SLC12A8: variants seen among roughly 807,000 people sequenced by gnomAD.
SLC12A8 encodes solute carrier family 12 member 8, also known as cation-chloride cotransporter 9.
SLC12A8 carries 69 observed loss-of-function variants against 75.6 expected under a neutral mutation model. The observed-to-expected ratio is 0.91, with a 90% CI of 0.75 to 1.11. The LOEUF (loss-of-function observed/expected upper bound fraction) is 1.11, where lower values mean the gene tolerates loss of function less well. SLC12A8 is among the 50% of genes most tolerant of loss of function. SLC12A8 has a pLI of 0.00. For synonymous variants in SLC12A8, 365 were observed against 372.8 expected, an observed-to-expected ratio of 0.98 and a Z score of 0.24; for missense variants, 877 against 896.7, an observed-to-expected ratio of 0.98 and a Z score of 0.28.
At position 125,084,066 on chromosome 3, in the gene SLC12A8, GAC is replaced by G; in HGVS notation, c.1983-16_1983-15del. ...GACCGCAAGCTCCTGCAGTGAGAGA[GAC>G]ACAGAGGATGGTGAGAAGGACAGAA... On this transcript the variant is annotated splice_polypyrimidine_tract_variant and intron_variant, in intron 13 of 13. Coordinates refer to ENST00000469902, the MANE Select transcript of SLC12A8 (RefSeq NM_024628.6). The G allele has an allele frequency of 6.2e-7, 1 of 1,607,346 alleles. No homozygotes were observed. The highest frequency in any genetic ancestry group is 8.5e-7 in the Non-Finnish European group (1 of 1,176,466).
chr3:125,158,251 C>CG (rs1378465988), intron 5 of SLC12A8, among the ~76,000 whole-genome samples: 1 of 151,424 alleles, frequency 6.6e-6, no homozygotes, highest in Non-Finnish European at 1.5e-5. Flanking sequence ...GACAGAGTCT[C>CG]GCTCTGTCAC....
At chr3:125,159,243 C>T (rs1056334756) in intron 5 of SLC12A8, among the ~76,000 whole-genome samples, 5 of 152,156 alleles carry the variant, frequency 3.3e-5, no homozygotes, top group Non-Finnish European at 7.3e-5. Context: ...TCCCTCCCCA[C>T]ATCCTGCTAA....
intron 5 of SLC12A8, among the ~76,000 whole-genome samples, chr3:125,145,371 A>G (rs1216744345): frequency 6.6e-6 from 1 of 152,238 alleles, no homozygotes. Context: ...ATAAAACATT[A>G]ATAATAACAA....
intron 13 of SLC12A8, chr3:125,088,016 T>C (rs1244302927): frequency 2.5e-6 from 1 of 397,106 alleles, no homozygotes; most frequent in Non-Finnish European, 4.6e-6. Context: ...TCACTGAGAG[T>C]AGTGACTTAT....
intron 5 of SLC12A8, among the ~76,000 whole-genome samples, chr3:125,148,208 C>G (rs144299327): frequency 2.0e-3 from 303 of 152,344 alleles, no homozygotes; most frequent in African/African-American, 6.8e-3. Context: ...TGCCAACTCG[C>G]TATGGGGCCC....
chr3:125,199,460 G>A (rs1169403182), intron 2 of SLC12A8, among the ~76,000 whole-genome samples: 1 of 152,116 alleles, frequency 6.6e-6, no homozygotes, highest in Non-Finnish European at 1.5e-5. Flanking sequence ...TAAGATGGTA[G>A]GCCTGGGGCA....
At chr3:125,175,210 G>C (rs1934494270) in intron 5 of SLC12A8, among the ~76,000 whole-genome samples, 1 of 152,176 alleles carries the variant, frequency 6.6e-6, no homozygotes, top group African/African-American at 2.4e-5. Flanking sequence ...CAGAAAGATA[G>C]TTGCTATTAT....
chr3:125,106,217 G>A (rs1446111064), intron 10 of SLC12A8, among the ~76,000 whole-genome samples: 3 of 151,968 alleles, frequency 2.0e-5, no homozygotes, highest in Non-Finnish European at 2.9e-5. Flanking sequence ...ATATTATTTG[G>A]CTTATTAAAT....
At chr3:125,128,236 A>C (rs550633687) in intron 6 of SLC12A8, among the ~76,000 whole-genome samples, 2 of 129,176 alleles carry the variant, frequency 1.5e-5, no homozygotes, top group East Asian at 4.5e-4. Context: ...GCTGGAGTGC[A>C]GTGGCGGGAT....
intron 2 of SLC12A8, among the ~76,000 whole-genome samples, chr3:125,207,300 G>A (rs1189351214): frequency 1.3e-5 from 2 of 152,206 alleles, no homozygotes; most frequent in African/African-American, 2.4e-5. Context: ...CTGTGGTAGA[G>A]CAGAATGCAG....
chr3:125,185,212 C>T (rs968735031), intron 4 of SLC12A8, among the ~76,000 whole-genome samples: 3 of 151,968 alleles, frequency 2.0e-5, no homozygotes, highest in African/African-American at 2.4e-5. Context: ...CCCAGCTACT[C>T]GGGAGGCTGA....
chr3:125,128,166 G>A (rs1380472437), intron 6 of SLC12A8, among the ~76,000 whole-genome samples: 1 of 147,416 alleles, frequency 6.8e-6, no homozygotes, highest in Non-Finnish European at 1.5e-5. Context: ...CACCGTGCCC[G>A]GCCTAAGCTT....
chr3:125,189,713 C>G (rs1934870565), intron 3 of SLC12A8, among the ~76,000 whole-genome samples: 1 of 152,210 alleles, frequency 6.6e-6, no homozygotes, highest in Non-Finnish European at 1.5e-5. Context: ...TTCTGCGCAC[C>G]TGTGTGGTCT....
At chr3:125,150,587 A>T (rs1410069559) in intron 5 of SLC12A8, among the ~76,000 whole-genome samples, 1 of 152,164 alleles carries the variant, frequency 6.6e-6, no homozygotes. Flanking sequence ...GATAATTCCG[A>T]TACAGGAAAT....
intron 2 of SLC12A8, among the ~76,000 whole-genome samples, chr3:125,208,811 G>GAA (rs796139654): frequency 0.11 from 15,843 of 138,194 alleles, 1,224 homozygotes; most frequent in African/African-American, 0.19. Flanking sequence ...GAGAGAGAGA[G>GAA]AGAGAGAGAG....
At chr3:125,168,047 G>A (rs1214144707) in intron 5 of SLC12A8, among the ~76,000 whole-genome samples, 1 of 152,210 alleles carries the variant, frequency 6.6e-6, no homozygotes, top group Non-Finnish European at 1.5e-5. Flanking sequence ...TGCATAGGAG[G>A]TGTCAGTCGC....
chr3:125,111,632 C>G (rs550406551), intron 8 of SLC12A8, among the ~76,000 whole-genome samples: 2 of 152,296 alleles, frequency 1.3e-5, no homozygotes, highest in East Asian at 3.9e-4. Flanking sequence ...GATGAAGGCT[C>G]TCCTCACCCC....
intron 8 of SLC12A8, among the ~76,000 whole-genome samples, chr3:125,114,172 A>C (rs1297047084): frequency 6.6e-6 from 1 of 152,074 alleles, no homozygotes; most frequent in African/African-American, 2.4e-5. Flanking sequence ...CATTTTCCAT[A>C]ATGAGACCTA....
intron 5 of SLC12A8, among the ~76,000 whole-genome samples, chr3:125,172,556 G>A (rs1934428874): frequency 6.6e-6 from 1 of 152,196 alleles, no homozygotes; most frequent in African/African-American, 2.4e-5. Context: ...CAGAGACTCT[G>A]ATCCAGGGCC....
Sources: gnomAD v4.1 joint callset for allele counts (sites outside exome capture counted in the v4.1 genomes callset) on GRCh38, gnomAD v4.1.1 for gene constraint, MANE v1.5 for transcripts, NCBI Gene and HGNC (gene_info 2026-07-23, HGNC 2026-07-21) for gene names.